The following LDHC variants were observed in gnomAD, a reference collection of about 807,000 sequenced individuals.
LDHC encodes the protein L-lactate dehydrogenase C chain.
In LDHC, 20 loss-of-function variants were observed where a neutral mutation model predicts 30.2. The ratio of observed to expected loss-of-function variants is 0.66; its 90% CI spans 0.47 to 0.96. LDHC has a LOEUF of 0.96. LDHC is among the 40% of genes least tolerant of loss of function. The pLI is 0.00. For synonymous variants in LDHC, 139 were observed against 132.7 expected, an observed-to-expected ratio of 1.05 and a Z score of -0.32; for missense variants, 362 against 394.9, an observed-to-expected ratio of 0.92 and a Z score of 0.71.
chr11:18,450,428 C>G (rs1389818851), intron 7 of LDHC: 1 of 153,450 alleles, frequency 6.5e-6, no homozygotes, highest in Non-Finnish European at 1.4e-5. Flanking sequence ...ATGAGAGGCA[C>G]AGGCCCCACC....
intron 3 of LDHC, among the ~76,000 whole-genome samples, chr11:18,427,557 T>A (rs2134056137): frequency 6.6e-6 from 1 of 152,246 alleles, no homozygotes; most frequent in Admixed American, 6.5e-5. Context: ...TCTTTGTGGT[T>A]ATATTTACAA....
At chr11:18,427,748 G>A (rs1276003873) in intron 3 of LDHC, among the ~76,000 whole-genome samples, 1 of 150,758 alleles carries the variant, frequency 6.6e-6, no homozygotes, top group Non-Finnish European at 1.5e-5. Context: ...CACAGTCTCG[G>A]CTCACTGCAA....
chr11:18,442,663 T>C (rs867511503), intron 6 of LDHC, among the ~76,000 whole-genome samples: 1,528 of 145,724 alleles, frequency 0.01, 15 homozygotes, highest in African/African-American at 0.037. Context: ...TCTCTCTCTT[T>C]TTTTTTTTTT....
intron 2 of LDHC, among the ~76,000 whole-genome samples, chr11:18,413,732 A>T (rs1866949446): frequency 6.6e-6 from 1 of 152,110 alleles, no homozygotes; most frequent in Non-Finnish European, 1.5e-5. Context: ...AAGTGCTGGG[A>T]TTACAGGCAT....
chr11:18,420,577 A>G (rs1208877637), intron 3 of LDHC, among the ~76,000 whole-genome samples: 1 of 145,544 alleles, frequency 6.9e-6, no homozygotes, highest in Non-Finnish European at 1.5e-5. Flanking sequence ...TGGGCCTGGT[A>G]GCAGGCTGAG....
chr11:18,445,443 C>T (rs1848539511), intron 6 of LDHC, among the ~76,000 whole-genome samples: 1 of 152,148 alleles, frequency 6.6e-6, no homozygotes, highest in African/African-American at 2.4e-5. Context: ...GTGATCCACC[C>T]ACCTCGGCCT....
At chr11:18,442,923 G>A (rs1204134001) in intron 6 of LDHC, among the ~76,000 whole-genome samples, 2 of 151,928 alleles carry the variant, frequency 1.3e-5, no homozygotes, top group Admixed American at 6.6e-5. Flanking sequence ...TCAGCCTCCT[G>A]AAGCCACCAC....
At chr11:18,450,778 T>C (rs1848642346) in intron 7 of LDHC, 185 bp from the exon 8 acceptor site, 2 of 474,260 alleles carry the variant, frequency 4.2e-6, no homozygotes, top group Non-Finnish European at 7.3e-6. Flanking sequence ...TGTCACTGAA[T>C]GTAAGTTCCA....
intron 4 of LDHC, among the ~76,000 whole-genome samples, chr11:18,434,047 C>T (rs1331468623): frequency 1.3e-5 from 2 of 152,084 alleles, no homozygotes; most frequent in Admixed American, 6.5e-5. Context: ...AATTTGAAGA[C>T]CTTGTCCTCG....
intron 3 of LDHC, among the ~76,000 whole-genome samples, chr11:18,426,544 A>AT (rs1848165182): frequency 6.7e-6 from 1 of 150,244 alleles, no homozygotes; most frequent in Non-Finnish European, 1.5e-5. Context: ...AAAAAAAAAA[A>AT]GATATTTGTG....
rs1866986903 is a variant in LDHC at position 18,415,234 on chromosome 11, G to A, written c.177G>A (p.Lys59=). 6.2e-7 allele frequency: 1 copy of A among 1,611,288 alleles called. No individual in the cohort carries two copies. The highest frequency in any genetic ancestry group is 1.1e-5 in the South Asian group (1 of 90,726). ...TTGATGTTGCATTGGACAAACTGAA[G>A]GGAGAAATGATGGATCTTCAGCATG... ...ALVDVALDKL[K]GEMMDLQHGS... The change falls in exon 3 of 8, where the codon AAG becomes AAA. Residue 59 remains lysine, a synonymous_variant. Coordinates refer to ENST00000541669, the MANE Select transcript of LDHC (RefSeq NM_017448.5).
intron 3 of LDHC, among the ~76,000 whole-genome samples, chr11:18,427,928 C>G (rs749551206): frequency 6.0e-4 from 91 of 151,980 alleles, no homozygotes; most frequent in Non-Finnish European, 1.1e-3. Context: ...CCACCCATCT[C>G]TACCTCCTAA....
In LDHC at chr11:18,451,518, C is replaced by T. The variant is rs2133851708; in HGVS notation, c.*391C>T. 1 of 153,336 alleles carries T rather than the reference C, an allele frequency of 6.5e-6. No homozygotes were observed. The highest frequency in any genetic ancestry group is 2.1e-4 in the South Asian group (1 of 4,836). The allele number at this position is 153,336 out of a possible 1,614,324, so 9.5% of individuals were successfully genotyped here. A position where few individuals can be genotyped will look rare whatever the true frequency, so the allele number is the denominator to read the frequency against. On this transcript the variant is annotated 3_prime_UTR_variant, in exon 8 of 8. Transcript: ENST00000541669. Reference sequence around the variant, plus strand: ...TCATCCGTTAGAGTACCAGCATATTCACTTCATTACATTAGCGTCATATGT... The same window carrying T: ...TCATCCGTTAGAGTACCAGCATATTTACTTCATTACATTAGCGTCATATGT...
intron 3 of LDHC, among the ~76,000 whole-genome samples, chr11:18,420,094 G>GAAC (rs74327082): frequency 4.0e-5 from 6 of 151,554 alleles, no homozygotes; most frequent in African/African-American, 4.9e-5. Context: ...CTCCGTCTTA[G>GAAC]AACAACAACA....
At chr11:18,436,555 C>T (rs902155601) in intron 5 of LDHC, among the ~76,000 whole-genome samples, 1 of 131,436 alleles carries the variant, frequency 7.6e-6, no homozygotes, top group Non-Finnish European at 1.5e-5. Flanking sequence ...GGTGTGATCT[C>T]GGCTCACCGC....
At chr11:18,412,984 TC>T (rs1866923460) in intron 2 of LDHC, 141 bp downstream of exon 2, 1 of 314,342 alleles carries the variant, frequency 3.2e-6, no homozygotes, top group Admixed American at 6.8e-5. Flanking sequence ...CCTCCCTCCC[TC>T]CCTTCCTTCC....
chr11:18,428,450 C>T (rs181143638), intron 3 of LDHC, among the ~76,000 whole-genome samples: 4 of 152,044 alleles, frequency 2.6e-5, no homozygotes, highest in East Asian at 1.9e-4. Context: ...TGAGCCACCA[C>T]GCCCAGCTAT....
At chr11:18,430,809 A>G (rs73438634) in intron 4 of LDHC, among the ~76,000 whole-genome samples, 22,719 of 152,170 alleles carry the variant, frequency 0.15, 1,878 homozygotes, top group African/African-American at 0.21. Flanking sequence ...TTTCTCTTGG[A>G]TAAATACCTG....
Position 18,433,845 on chromosome 11 carries a change from C to T in LDHC, c.419-895C>T, listed in dbSNP as rs568221618. Among the ~76,000 whole-genome samples, 84 of 152,284 alleles carry T rather than the reference C, an allele frequency of 5.5e-4. No homozygotes were observed. In the Middle Eastern group the frequency reaches 0.01, roughly 18 times the overall value. Reference sequence around the variant, plus strand: ...TTCTTGTATTTGCATGTCTAGGTCTCTAGCAAGGCCGGGGAATTTTTCCTT... The same window carrying T: ...TTCTTGTATTTGCATGTCTAGGTCTTTAGCAAGGCCGGGGAATTTTTCCTT... On this transcript the variant is annotated intron_variant, in intron 4 of 7. Coordinates refer to ENST00000541669, the MANE Select transcript of LDHC (RefSeq NM_017448.5).
Sources: allele counts gnomAD v4.1 joint callset (sites outside exome capture counted in the v4.1 genomes callset), GRCh38; gene constraint gnomAD v4.1.1; transcripts MANE v1.5; gene names NCBI Gene and HGNC (gene_info 2026-07-23, HGNC 2026-07-21).